Variants in DKK2 observed in about 807,000 individuals in gnomAD.
The protein encoded by DKK2 is dickkopf-related protein 2.
In DKK2, 11 loss-of-function variants were observed where a neutral mutation model predicts 28.1. The ratio of observed to expected loss-of-function variants is 0.39; its 90% CI spans 0.25 to 0.65. The LOEUF (loss-of-function observed/expected upper bound fraction) is 0.65. DKK2 is among the 30% of genes least tolerant of loss of function. The pLI is 0.47. For synonymous variants in DKK2, 135 were observed against 126.5 expected, an observed-to-expected ratio of 1.07 and a Z score of -0.45; for missense variants, 326 against 335.5, an observed-to-expected ratio of 0.97 and a Z score of 0.22.
chr4:106,954,642 C>T (rs1461839927), intron 1 of DKK2, among the ~76,000 whole-genome samples: 1 of 152,268 alleles, frequency 6.6e-6, no homozygotes, highest in East Asian at 1.9e-4. Context: ...TTGCCTCAGC[C>T]TCCAGAGTAG....
At chr4:106,931,931 G>T (rs2110340470) in intron 1 of DKK2, among the ~76,000 whole-genome samples, 1 of 152,186 alleles carries the variant, frequency 6.6e-6, no homozygotes, top group Non-Finnish European at 1.5e-5. Flanking sequence ...TTACTTATTT[G>T]TCACCTAAAA....
At chr4:107,025,230 G>A (rs1723756095) in intron 1 of DKK2, among the ~76,000 whole-genome samples, 1 of 152,220 alleles carries the variant, frequency 6.6e-6, no homozygotes. Context: ...AAACACTGCC[G>A]ATCTCCAAGC....
At chr4:107,000,049 G>A (rs1011720135) in intron 1 of DKK2, among the ~76,000 whole-genome samples, 1 of 152,104 alleles carries the variant, frequency 6.6e-6, no homozygotes, top group Non-Finnish European at 1.5e-5. Context: ...GTGTAATGGG[G>A]TGATAAAATA....
intron 1 of DKK2, among the ~76,000 whole-genome samples, chr4:107,013,621 T>C (rs140959596): frequency 3.8e-4 from 57 of 151,630 alleles, no homozygotes; most frequent in Middle Eastern, 3.4e-3. Context: ...CTTTATGACA[T>C]TGGCCTGGGC....
chr4:106,988,719 T>C (rs554099626), intron 1 of DKK2, among the ~76,000 whole-genome samples: 1 of 152,376 alleles, frequency 6.6e-6, no homozygotes, highest in South Asian at 2.1e-4. Context: ...AACTACACTT[T>C]AAGTCACAGT....
chr4:106,939,643 A>G (rs1398165999), intron 1 of DKK2, among the ~76,000 whole-genome samples: 1 of 152,206 alleles, frequency 6.6e-6, no homozygotes, highest in African/African-American at 2.4e-5. Context: ...AAGAGCCCGC[A>G]TCGCCAAGTC....
intron 1 of DKK2, among the ~76,000 whole-genome samples, chr4:107,008,550 A>G (rs1212693202): frequency 6.6e-6 from 1 of 152,014 alleles, no homozygotes. Context: ...GTGTTAGGCA[A>G]AAATAAGCAA....
chr4:107,025,551 T>G (rs1394005341), intron 1 of DKK2, among the ~76,000 whole-genome samples: 1 of 152,184 alleles, frequency 6.6e-6, no homozygotes, highest in Non-Finnish European at 1.5e-5. Flanking sequence ...GCCTCTATCC[T>G]AGTTAGCACT....
At chr4:107,018,657 G>C (rs146372616) in intron 1 of DKK2, among the ~76,000 whole-genome samples, 2 of 152,040 alleles carry the variant, frequency 1.3e-5, no homozygotes, top group Non-Finnish European at 2.9e-5. Context: ...TGCTGGGTTT[G>C]TGACAATCAG....
intron 1 of DKK2, among the ~76,000 whole-genome samples, chr4:106,962,795 A>G (rs1722711593): frequency 6.6e-6 from 1 of 152,116 alleles, no homozygotes; most frequent in South Asian, 2.1e-4. Flanking sequence ...ACAGCAAAGG[A>G]AACAATCAAC....
chr4:106,928,617 T>G lies in DKK2; in HGVS notation c.223-2668A>C, dbSNP rs145887054. Among the ~76,000 whole-genome samples, 167 of 152,266 alleles carry G rather than the reference T, an allele frequency of 1.1e-3. 3 individuals are homozygous for G. The East Asian group carries it at 0.025, about 23-fold the overall frequency. On this transcript the variant is annotated intron_variant, in intron 1 of 3. Transcript: ENST00000285311. ...TAAAGAAGAGTATAGGGAAAGCAAGTGGTATTTGGGGGCATGCCTTGCCCT... is the reference window on the plus strand; with the variant it reads ...TAAAGAAGAGTATAGGGAAAGCAAGGGGTATTTGGGGGCATGCCTTGCCCT...
At chr4:107,012,972 C>T (rs1480793557) in intron 1 of DKK2, among the ~76,000 whole-genome samples, 5 of 150,482 alleles carry the variant, frequency 3.3e-5, no homozygotes. Flanking sequence ...TATATTTAAA[C>T]ATCTTTAGAT....
rs185704730 is a variant in DKK2 at position 106,999,704 on chromosome 4, C to A, written c.222+35666G>T. ...AGCCACCATGCCTCCAGCATCAATT[C>A]TTATTTTTATTTTTTGGTTAGAAAG... On this transcript the variant is annotated intron_variant, in intron 1 of 3. Transcript: ENST00000285311. Among the ~76,000 whole-genome samples the A allele has an allele frequency of 3.3e-5, 5 of 152,154 alleles. No homozygotes were observed. The East Asian group carries it at 9.6e-4, about 29-fold the overall frequency.
chr4:107,028,188 A>C (rs1723821703), intron 1 of DKK2, among the ~76,000 whole-genome samples: 1 of 152,222 alleles, frequency 6.6e-6, no homozygotes, highest in Admixed American at 6.5e-5. Flanking sequence ...GTAAACATTA[A>C]ATAGTAGAAA....
rs538051676 is a variant in DKK2, at chr4:107,035,732, G to C, written c.-141C>G. 1.3e-6 allele frequency: 1 copy of C among 781,748 alleles called. No individual in the cohort carries two copies. The highest frequency in any genetic ancestry group is 1.7e-5 in the African/African-American group (1 of 57,884). The allele number at this position is 781,748 out of a possible 1,614,324, so 48.4% of individuals were successfully genotyped here. ...TTCCCTCAACCCTTCCTGGTTCGGG[G>C]ACCCAGGACCCTATGAACTCAGTCT... On this transcript the variant is annotated 5_prime_UTR_variant, in exon 1 of 4. Coordinates refer to ENST00000285311, the MANE Select transcript of DKK2 (RefSeq NM_014421.3).
chr4:106,948,056 C>A (rs564593393), intron 1 of DKK2, among the ~76,000 whole-genome samples: 2 of 152,270 alleles, frequency 1.3e-5, no homozygotes, highest in African/African-American at 4.8e-5. Context: ...CTAAATAAAA[C>A]TCTGTATCCA....
chr4:106,927,695 T>C (rs186091087), intron 1 of DKK2, among the ~76,000 whole-genome samples: 147 of 152,204 alleles, frequency 9.7e-4, no homozygotes, highest in African/African-American at 3.2e-3. Context: ...CAAATATCCC[T>C]TCCCGCCTTA....
intron 1 of DKK2, among the ~76,000 whole-genome samples, chr4:107,022,055 T>A (rs1578381577): frequency 6.6e-6 from 1 of 152,100 alleles, no homozygotes; most frequent in East Asian, 1.9e-4. Flanking sequence ...GTTTCCATCC[T>A]TAACTGAAGT....
intron 1 of DKK2, among the ~76,000 whole-genome samples, chr4:107,020,433 G>A (rs1723673819): frequency 6.6e-6 from 1 of 152,030 alleles, no homozygotes. Flanking sequence ...AATTTACAAG[G>A]ATTTCCAAAG....
Sources: gnomAD v4.1 joint callset for allele counts (sites outside exome capture counted in the v4.1 genomes callset) on GRCh38, gnomAD v4.1.1 for gene constraint, MANE v1.5 for transcripts, NCBI Gene and HGNC (gene_info 2026-07-23, HGNC 2026-07-21) for gene names.